Variants in ZC3H10 observed in about 807,000 individuals in gnomAD.
ZC3H10 encodes zinc finger CCCH domain-containing protein 10.
ZC3H10 carries 12 observed loss-of-function variants against 24.3 expected under a neutral mutation model. The ratio of observed to expected loss-of-function variants is 0.49; its 90% CI spans 0.32 to 0.80. The LOEUF is 0.80. ZC3H10 is among the 30% of genes least tolerant of loss of function. ZC3H10 has a pLI of 0.04. For synonymous variants in ZC3H10, 226 were observed against 217.0 expected, an observed-to-expected ratio of 1.04 and a Z score of -0.36; for missense variants, 360 against 576.3, an observed-to-expected ratio of 0.62 and a Z score of 3.84.
Position 56,121,915 on chromosome 12 carries a change from A to AG in ZC3H10, c.*53dup. ...GGTATAGCCTCGCAGGGCTGGGGTC[A>AG]GGGGGCCCTTGCCCACTCACCTAGC... is the stretch of plus-strand genomic sequence containing the variant. On this transcript the variant is annotated 3_prime_UTR_variant, in exon 3 of 3. Coordinates refer to ENST00000257940, the MANE Select transcript of ZC3H10 (RefSeq NM_032786.3). This position sits in a 1 kb window ranked among gnomAD's most constrained non-coding sequence, Gnocchi z 6.2. 2.0e-6 allele frequency: 3 copies of AG among 1,529,442 alleles called. No individual in the cohort carries two copies. Among genetic ancestry groups the AG allele is most frequent in the Non-Finnish European group, 2.6e-6 (3 of 1,135,244 alleles). 94.7% of individuals were successfully genotyped at this position (1,529,442 alleles called of 1,614,324 possible).
At position 56,122,177 on chromosome 12, in the gene ZC3H10, C is replaced by T. The variant is rs957544335; in HGVS notation, c.*310C>T. On this transcript the variant is annotated 3_prime_UTR_variant, in exon 3 of 3. Transcript: ENST00000257940. The stretch of plus-strand genomic sequence containing the variant: ...CTTATGGGAATTTGGGAACATCCCT[C>T]GTCTTGTCCTCTCTTCTGCACAGCA... The T allele has an allele frequency of 3.9e-5, 15 of 383,432 alleles. No homozygotes were observed. The highest frequency in any genetic ancestry group is 2.7e-4 in the East Asian group (6 of 22,198). The allele number at this position is 383,432 out of a possible 1,614,324, so 23.8% of individuals were successfully genotyped here.
chr12:56,121,062 C>T lies in ZC3H10; in HGVS notation c.500C>T (p.Ala167Val). The T allele has an allele frequency of 1.2e-6, 2 of 1,614,142 alleles. No homozygotes were observed. Among genetic ancestry groups the T allele is most frequent in the Non-Finnish European group, 1.7e-6 (2 of 1,180,026 alleles). Residue 167 changes from alanine (A) to valine (V), a missense_variant, in exon 3 of 3, where the codon GCT becomes GTT. Transcript: ENST00000257940. The surrounding 1 kb of genome is among the most constrained non-coding windows in gnomAD (Gnocchi z 6.2). ...RHLQRDFEFD[A>V]RGGGGTGGGS... ...CTGCAACGGGATTTTGAGTTTGATG[C>T]TCGGGGTGGAGGAGGCACTGGTGGG... is the stretch of plus-strand genomic sequence containing the variant.
chr12:56,118,950 G>C (rs976269211), intron 1 of ZC3H10, 138 bp from the exon 2 acceptor site: 3 of 152,650 alleles, frequency 2.0e-5, no homozygotes, highest in Non-Finnish European at 4.4e-5. Context: ...TTGGACAGGT[G>C]AAGTTCAGTT....
chr12:56,119,617 GA>G (rs1377004061), intron 2 of ZC3H10: 1 of 152,312 alleles, frequency 6.6e-6, no homozygotes, highest in Non-Finnish European at 1.5e-5. Flanking sequence ...GGGGTGGAGA[GA>G]GGGGAGGGCT....
At chr12:56,120,333 C>G (rs1235067451) in intron 2 of ZC3H10, 178 bp from the exon 3 acceptor site, 23 of 985,362 alleles carry the variant, frequency 2.3e-5, no homozygotes, top group Non-Finnish European at 2.7e-5. Flanking sequence ...CTGACCCAGA[C>G]CAGGTGCACA....
Position 56,127,034 on chromosome 12 carries a change from C to T in ZC3H10, c.*5167C>T, listed in dbSNP as rs1565871027. On this transcript the variant is annotated 3_prime_UTR_variant, in exon 3 of 3. Transcript: ENST00000257940. ...TTCCCAGTGATCAACCCCAGTTCTT[C>T]TGCTGCATCTGACAGATTTACATAA... 1 of 152,234 alleles carries T rather than the reference C, an allele frequency of 6.6e-6. No homozygotes were observed. The highest frequency in any genetic ancestry group is 1.5e-5 in the Non-Finnish European group (1 of 68,030). 9.4% of individuals were successfully genotyped at this position (152,234 alleles called of 1,614,324 possible).
rs562614706 is a variant in ZC3H10 at position 56,124,493 on chromosome 12, G to A, written c.*2626G>A. 7.2e-5 allele frequency: 11 copies of A among 152,284 alleles called. No homozygotes were observed. In the South Asian group the frequency reaches 1.9e-3, roughly 26 times the overall value. The allele number at this position is 152,284 out of a possible 1,614,324, so 9.4% of individuals were successfully genotyped here. A position where few individuals can be genotyped will look rare whatever the true frequency, so the allele number is the denominator to read the frequency against. ...GAGGAAAATTACGGGTCAGTTAATC[G>A]TAGCATTTTTTCCATGCAAATGGCT... On this transcript the variant is annotated 3_prime_UTR_variant, in exon 3 of 3. Coordinates refer to ENST00000257940, the MANE Select transcript of ZC3H10 (RefSeq NM_032786.3).
Position 56,121,712 on chromosome 12 carries a change from A to T in ZC3H10, c.1150A>T (p.Met384Leu). 1.2e-6 allele frequency: 2 copies of T among 1,612,074 alleles called. No individual in the cohort carries two copies. Among genetic ancestry groups the T allele is most frequent in the African/African-American group, 2.7e-5 (2 of 74,024 alleles). ...GGGAATGGCACCTCCACCTGTCTCC[A>T]TGGCTCCTGTGGCTGTATCTGTGGC... ...AQGMAPPPVS[M>L]APVAVSVAPV... The change falls in exon 3 of 3, where the codon ATG becomes TTG. Residue 384 changes from methionine (M) to leucine (L), a missense_variant. Around this residue, in one of 3 missense-constraint regions of ZC3H10, gnomAD observed 133 missense variants for 256.7 expected, o/e 0.52. Coordinates refer to ENST00000257940, the MANE Select transcript of ZC3H10 (RefSeq NM_032786.3). The surrounding 1 kb of genome is among the most constrained non-coding windows in gnomAD (Gnocchi z 6.2).
rs1869943186 is a variant in ZC3H10, at chr12:56,124,746, T to C, written c.*2879T>C. 1 of 152,222 alleles carries C rather than the reference T, an allele frequency of 6.6e-6. No individual in the cohort carries two copies. Among genetic ancestry groups the C allele is most frequent in the Admixed American group, 6.5e-5 (1 of 15,280 alleles). The allele number at this position is 152,222 out of a possible 1,614,324, so 9.4% of individuals were successfully genotyped here. A position where few individuals can be genotyped will look rare whatever the true frequency, so the allele number is the denominator to read the frequency against. On this transcript the variant is annotated 3_prime_UTR_variant, in exon 3 of 3. Coordinates refer to ENST00000257940, the MANE Select transcript of ZC3H10 (RefSeq NM_032786.3). ...AGAGCTAAATAATATTCAAAGTGTC[T>C]GTAACTTGAATTGACTAAAACACTG...
In ZC3H10 at chr12:56,120,598, G is replaced by C. The variant is rs1869781048; in HGVS notation, c.36G>C (p.Gly12=). Residue 12 remains glycine, a synonymous_variant, in exon 3 of 3, where the codon GGG becomes GGC. Coordinates refer to ENST00000257940, the MANE Select transcript of ZC3H10 (RefSeq NM_032786.3). ...PDRDSYANGT[G]SSGGGPGGGG... ...GGGACAGCTATGCCAACGGTACCGG[G>C]AGCAGCGGTGGAGGCCCTGGAGGTG... is the stretch of plus-strand genomic sequence containing the variant. 1 of 1,578,460 alleles carries C rather than the reference G, an allele frequency of 6.3e-7. No homozygotes were observed. Among genetic ancestry groups the C allele is most frequent in the Non-Finnish European group, 8.6e-7 (1 of 1,161,810 alleles).
Position 56,121,238 on chromosome 12 carries a change from G to C in ZC3H10, c.676G>C (p.Glu226Gln). 6.2e-7 allele frequency: 1 copy of C among 1,613,452 alleles called. No homozygotes were observed. Among genetic ancestry groups the C allele is most frequent in the Non-Finnish European group, 8.5e-7 (1 of 1,179,986 alleles). The stretch of plus-strand genomic sequence containing the variant: ...TGATGGCCCTCATTTTGAGTCATAT[G>C]AATATAGTTTGGCTCCACCGCGAGG... The part of the protein sequence containing the change: ...PPDGPHFESY[E>Q]YSLAPPRGVE... Residue 226 changes from glutamate (E) to glutamine (Q), a missense_variant, in exon 3 of 3, where the codon GAA (glutamate) becomes CAA (glutamine). By Grantham distance (29) the Glu-to-Gln change is conservative. Coordinates refer to ENST00000257940, the MANE Select transcript of ZC3H10 (RefSeq NM_032786.3). The surrounding 1 kb of genome is among the most constrained non-coding windows in gnomAD (Gnocchi z 6.2).
In ZC3H10 at chr12:56,127,188, A is replaced by G. The variant is rs1177584930; in HGVS notation, c.*5321A>G. 6.6e-6 allele frequency: 1 copy of G among 152,244 alleles called. No homozygotes were observed. Among genetic ancestry groups the G allele is most frequent in the Non-Finnish European group, 1.5e-5 (1 of 68,050 alleles). 9.4% of individuals were successfully genotyped at this position (152,244 alleles called of 1,614,324 possible). A position where few individuals can be genotyped will look rare whatever the true frequency, so the allele number is the denominator to read the frequency against. On this transcript the variant is annotated 3_prime_UTR_variant, in exon 3 of 3. Coordinates refer to ENST00000257940, the MANE Select transcript of ZC3H10 (RefSeq NM_032786.3). ...CCTCTAACGCCAGTTAACTAGTAAC[A>G]ATAGTCATCGGTGTACCCTGCACTT...
rs867779310 is a variant in ZC3H10 at position 56,120,738 on chromosome 12, G to A, written c.176G>A (p.Arg59His). Reference protein sequence around the residue: ...VCKRGKRCRYRHPDMSEVSNL... With the variant: ...VCKRGKRCRYHHPDMSEVSNL... Reference sequence around the variant, plus strand: ...AAGCGAGGCAAGCGTTGCCGATATCGCCACCCAGACATGAGCGAGGTGTCC... The same window carrying A: ...AAGCGAGGCAAGCGTTGCCGATATCACCACCCAGACATGAGCGAGGTGTCC... The change falls in exon 3 of 3, where the codon CGC (arginine) becomes CAC (histidine). Residue 59 changes from arginine (R) to histidine (H), a missense_variant. Transcript: ENST00000257940. The A allele has an allele frequency of 2.5e-6, 4 of 1,614,022 alleles. No individual in the cohort carries two copies. The highest frequency in any genetic ancestry group is 1.7e-5 in the Admixed American group (1 of 59,998).
chr12:56,122,055 G>A lies in ZC3H10; in HGVS notation c.*188G>A, dbSNP rs1869862654. The A allele has an allele frequency of 4.4e-6, 3 of 686,772 alleles. No individual in the cohort carries two copies. Among genetic ancestry groups the A allele is most frequent in the Admixed American group, 3.2e-5 (1 of 31,744 alleles). 42.5% of individuals were successfully genotyped at this position (686,772 alleles called of 1,614,324 possible). A position where few individuals can be genotyped will look rare whatever the true frequency, so the allele number is the denominator to read the frequency against. On this transcript the variant is annotated 3_prime_UTR_variant, in exon 3 of 3. Coordinates refer to ENST00000257940, the MANE Select transcript of ZC3H10 (RefSeq NM_032786.3). The stretch of plus-strand genomic sequence containing the variant: ...TTTCTCTCACCTCCCTTTTATGAGG[G>A]TCCTCTTGTCCATCTTCAAGCCTCA...
In ZC3H10 at chr12:56,122,136, TGA is replaced by T. The variant is rs2136858268; in HGVS notation, c.*271_*272del. ...AAGCCAGCAGAGAGGAAGGACTGAC[TGA>T]GGGGCTGTGTCCTCTTATGGGAATT... is the stretch of plus-strand genomic sequence containing the variant. On this transcript the variant is annotated 3_prime_UTR_variant, in exon 3 of 3. Coordinates refer to ENST00000257940, the MANE Select transcript of ZC3H10 (RefSeq NM_032786.3). The T allele has an allele frequency of 4.2e-6, 2 of 477,656 alleles. No individual in the cohort carries two copies. The highest frequency in any genetic ancestry group is 8.1e-5 in the South Asian group (2 of 24,548). The allele number at this position is 477,656 out of a possible 1,614,324, so 29.6% of individuals were successfully genotyped here. A position where few individuals can be genotyped will look rare whatever the true frequency, so the allele number is the denominator to read the frequency against.
Position 56,121,847 on chromosome 12 carries a change from A to C in ZC3H10, c.1285A>C (p.Ile429Leu). 1 of 1,611,312 alleles carries C rather than the reference A, an allele frequency of 6.2e-7. No homozygotes were observed. Among genetic ancestry groups the C allele is most frequent in the African/African-American group, 1.3e-5 (1 of 75,048 alleles). Residue 429 changes from isoleucine (I) to leucine (L), a missense_variant, in exon 3 of 3, where the codon ATC becomes CTC. By Grantham distance (5) the Ile-to-Leu change is conservative (BLOSUM62 2). Transcript: ENST00000257940. The surrounding 1 kb of genome is among the most constrained non-coding windows in gnomAD (Gnocchi z 6.2). ...CCCTATCGCTTCCCAGAGCATGCGC[A>C]TCACGGCCATGCCACACTGATGGGG... ...TYPIASQSMR[I>L]TAMPH
rs980673462 is a variant in ZC3H10 at position 56,126,030 on chromosome 12, A to G, written c.*4163A>G. On this transcript the variant is annotated 3_prime_UTR_variant, in exon 3 of 3. Transcript: ENST00000257940. ...GGTCTTGAACTCCTGACCTCAGGTG[A>G]TCCAACTGCCTCGGCCTTCCAAAGT... 7 of 152,110 alleles carry G rather than the reference A, an allele frequency of 4.6e-5. No individual in the cohort carries two copies. Among genetic ancestry groups the G allele is most frequent in the African/African-American group, 1.7e-4 (7 of 41,390 alleles). 9.4% of individuals were successfully genotyped at this position (152,110 alleles called of 1,614,324 possible). A position where few individuals can be genotyped will look rare whatever the true frequency, so the allele number is the denominator to read the frequency against.
In ZC3H10 at chr12:56,120,968, G is replaced by A. The variant is rs1869798249; in HGVS notation, c.406G>A (p.Glu136Lys). 2 of 1,614,190 alleles carry A rather than the reference G, an allele frequency of 1.2e-6. No individual in the cohort carries two copies. Among genetic ancestry groups the A allele is most frequent in the Non-Finnish European group, 1.7e-6 (2 of 1,180,036 alleles). ...SPADLPNGKE[E>K]VPICRDFLKG... ...GGCTGACCTACCAAATGGCAAGGAG[G>A]AGGTCCCTATCTGCCGTGACTTTCT... Residue 136 changes from glutamate to lysine, a missense_variant, in exon 3 of 3, where the codon GAG (glutamate) becomes AAG (lysine). By Grantham distance (56) the Glu-to-Lys change is moderately conservative. Transcript: ENST00000257940.
At position 56,121,417 on chromosome 12, in the gene ZC3H10, C is replaced by T. The variant is rs1209265319; in HGVS notation, c.855C>T (p.Ser285=). Residue 285 remains serine (S), a synonymous_variant, in exon 3 of 3, where the codon AGC becomes AGT. Coordinates refer to ENST00000257940, the MANE Select transcript of ZC3H10 (RefSeq NM_032786.3). The surrounding 1 kb of genome is among the most constrained non-coding windows in gnomAD (Gnocchi z 6.2). The part of the protein sequence containing the change: ...FRNQAKVITL[S]STAPATEQTL... ...ATCAGGCCAAGGTCATAACCCTGAG[C>T]TCCACTGCACCAGCGACTGAGCAGA... 11 of 1,612,132 alleles carry T rather than the reference C, an allele frequency of 6.8e-6. No homozygotes were observed. Among genetic ancestry groups the T allele is most frequent in the Non-Finnish European group, 8.5e-6 (10 of 1,178,400 alleles).
Sources: gnomAD v4.1 joint callset for allele counts on GRCh38, gnomAD v4.1.1 for gene constraint, gnomAD v4.1.1 regional missense constraint, Gnocchi (gnomAD v3.1) non-coding constraint, MANE v1.5 for transcripts, NCBI Gene and HGNC (gene_info 2026-07-23, HGNC 2026-07-21) for gene names.